The following MYLK3 variants were observed in gnomAD, a reference collection of about 807,000 sequenced individuals.
MYLK3 encodes the protein myosin light chain kinase 3, also known as MLC kinase.
In MYLK3, 55 loss-of-function variants were observed where a neutral mutation model predicts 76.3. The observed-to-expected ratio is 0.72, with a 90% CI of 0.58 to 0.90. MYLK3 has a LOEUF of 0.90. MYLK3 is among the 40% of genes least tolerant of loss of function. The probability of loss-of-function intolerance (pLI) is 0.00; values close to 1 mark genes in which losing one functional copy is unlikely to be tolerated. For synonymous variants in MYLK3, 416 were observed against 425.4 expected (o/e 0.98, Z 0.27); for missense variants, 973 against 1,053.6 (o/e 0.92, Z 1.06).
chr16:46,714,295 C>A (rs973518470), intron 9 of MYLK3, among the ~76,000 whole-genome samples: 1 of 152,126 alleles, frequency 6.6e-6, no homozygotes, highest in Non-Finnish European at 1.5e-5. Flanking sequence ...TTGAGAATAA[C>A]AATAATAAAA....
intron 4 of MYLK3, 129 bp downstream of exon 4, chr16:46,732,079 C>T (rs1243023792): frequency 7.6e-6 from 6 of 784,800 alleles, no homozygotes; most frequent in Admixed American, 3.0e-5. Context: ...TGGAGATGTT[C>T]CCGACTCTTG....
rs1966581481 is a variant in MYLK3 at position 46,702,291 on chromosome 16, C to T, written c.*5413G>A. On this transcript the variant is annotated 3_prime_UTR_variant, in exon 13 of 13. Transcript: ENST00000394809. ...CTTCTTGGAAGCTCACTTCTTTAAC[C>T]GTTCTTCATGGTTTATTTAACTGAT... is the stretch of plus-strand genomic sequence containing the variant. Among the ~76,000 whole-genome samples the T allele has an allele frequency of 1.3e-5, 2 of 151,910 alleles. No homozygotes were observed. The highest frequency in any genetic ancestry group is 2.9e-5 in the Non-Finnish European group (2 of 67,990).
Position 46,721,108 on chromosome 16 carries a change from A to G in MYLK3, c.1985+15T>C. On this transcript the variant is annotated intron_variant, in intron 9 of 12. Coordinates refer to ENST00000394809, the MANE Select transcript of MYLK3 (RefSeq NM_182493.3). Reference sequence around the variant, plus strand: ...CAAGGAATTTTGTTAAGGTATCTAAATAAAACCCCCTTACCTTCTGGCCAG... The same window carrying G: ...CAAGGAATTTTGTTAAGGTATCTAAGTAAAACCCCCTTACCTTCTGGCCAG... The G allele has an allele frequency of 6.2e-7, 1 of 1,612,900 alleles. No homozygotes were observed. Among genetic ancestry groups the G allele is most frequent in the Non-Finnish European group, 8.5e-7 (1 of 1,178,872 alleles).
intron 10 of MYLK3, chr16:46,711,471 C>A: frequency 4.8e-6 from 1 of 207,882 alleles, no homozygotes; most frequent in Non-Finnish European, 1.0e-5. Context: ...CTGCCCCCCA[C>A]CCCCTTACCC....
intron 10 of MYLK3, chr16:46,711,839 A>G (rs1220009351): frequency 4.9e-6 from 1 of 204,308 alleles, no homozygotes; most frequent in East Asian, 1.6e-4. Context: ...AATAACTCTC[A>G]GGGGGTATTC....
Position 46,707,597 on chromosome 16 carries a change from G to T in MYLK3, c.*107C>A, listed in dbSNP as rs1940019184. ...CATAACCATTTTTACAAAATAAGTG[G>T]AATCAATAATACCAAAAAGCCAAAT... On this transcript the variant is annotated 3_prime_UTR_variant, in exon 13 of 13. Transcript: ENST00000394809. The T allele has an allele frequency of 4.4e-6, 3 of 688,172 alleles. No homozygotes were observed. Among genetic ancestry groups the T allele is most frequent in the African/African-American group, 3.6e-5 (2 of 55,214 alleles). The allele number at this position is 688,172 out of a possible 1,614,324, so 42.6% of individuals were successfully genotyped here. A position where few individuals can be genotyped will look rare whatever the true frequency, so the allele number is the denominator to read the frequency against.
chr16:46,725,878 G>T (rs1043018003), intron 8 of MYLK3: 1 of 152,092 alleles, frequency 6.6e-6, no homozygotes, highest in Non-Finnish European at 1.5e-5. Context: ...ATTTGCTTTT[G>T]GGTTCTTGCT....
chr16:46,720,020 A>C (rs1371330929), intron 9 of MYLK3, among the ~76,000 whole-genome samples: 1 of 152,104 alleles, frequency 6.6e-6, no homozygotes, highest in Non-Finnish European at 1.5e-5. Context: ...TCTACTAAAA[A>C]TACAAAAATT....
chr16:46,706,138 G>T lies in MYLK3; in HGVS notation c.*1566C>A, dbSNP rs1966622591. The T allele has an allele frequency of 6.6e-6, 1 of 151,980 alleles. No homozygotes were observed. Among genetic ancestry groups the T allele is most frequent in the Non-Finnish European group, 1.5e-5 (1 of 68,022 alleles). 9.4% of individuals were successfully genotyped at this position (151,980 alleles called of 1,614,324 possible). ...TACCCCCTTGCAGTAGAAAATCTGA[G>T]TATAACTTTTGTCTCCCCAAAAACT... On this transcript the variant is annotated 3_prime_UTR_variant, in exon 13 of 13. Transcript: ENST00000394809.
chr16:46,725,336 C>T (rs771976127), intron 8 of MYLK3, among the ~76,000 whole-genome samples: 1 of 152,180 alleles, frequency 6.6e-6, no homozygotes, highest in Non-Finnish European at 1.5e-5. Flanking sequence ...GTTGCAAGAA[C>T]AGATATCCTT....
At position 46,754,785 on chromosome 16, in the gene MYLK3, T is replaced by A. The variant is rs1420803324; in HGVS notation, c.-114+8255A>T. On this transcript the variant is annotated intron_variant, in intron 1 of 11. Transcript: ENST00000536476. The stretch of plus-strand genomic sequence containing the variant: ...AACAACTGGATGCTGGAAGAGAGGC[T>A]GGATGTCAAAGTCTAGATAGGAAAG... Among the ~76,000 whole-genome samples, 5 of 152,348 alleles carry A rather than the reference T, an allele frequency of 3.3e-5. No individual in the cohort carries two copies. In the East Asian group the frequency reaches 9.6e-4, roughly 29 times the overall value.
At chr16:46,709,459 A>T (rs995546317) in intron 12 of MYLK3, 80 bp downstream of exon 12, 1 of 1,465,108 alleles carries the variant, frequency 6.8e-7, no homozygotes, top group Non-Finnish European at 9.2e-7. Flanking sequence ...AAAAAAAAGA[A>T]AAGGAAACTT....
chr16:46,716,075 C>G (rs1012938034), intron 9 of MYLK3, among the ~76,000 whole-genome samples: 1 of 152,200 alleles, frequency 6.6e-6, no homozygotes, highest in African/African-American at 2.4e-5. Context: ...TCTCTGCCAG[C>G]CCGGCCCCAC....
chr16:46,715,219 TAAC>T (rs1237737473), intron 9 of MYLK3, among the ~76,000 whole-genome samples: 5 of 152,244 alleles, frequency 3.3e-5, no homozygotes, highest in African/African-American at 1.2e-4. Context: ...TGGCTGTGTT[TAAC>T]AACTGGATTA....
intron 11 of MYLK3, 107 bp from the exon 12 acceptor site, chr16:46,709,778 T>C (rs1966664568): frequency 2.4e-6 from 3 of 1,267,936 alleles, no homozygotes; most frequent in Non-Finnish European, 3.3e-6. Flanking sequence ...AGATTAATCA[T>C]TTAGGCAGAT....
At chr16:46,739,441 A>G (rs890171087) in intron 2 of MYLK3, among the ~76,000 whole-genome samples, 1 of 152,222 alleles carries the variant, frequency 6.6e-6, no homozygotes, top group African/African-American at 2.4e-5. Flanking sequence ...CCTGCACAGA[A>G]AGGTACTACA....
intron 9 of MYLK3, among the ~76,000 whole-genome samples, chr16:46,716,740 A>G (rs1405263407): frequency 6.6e-6 from 1 of 152,202 alleles, no homozygotes; most frequent in East Asian, 1.9e-4. Flanking sequence ...CAACACAGAA[A>G]GGCTAAGAAA....
intron 10 of MYLK3, 105 bp downstream of exon 10, chr16:46,712,543 C>T: frequency 8.9e-7 from 1 of 1,120,230 alleles, no homozygotes. Context: ...CCTGGGGTTA[C>T]CTCCCAAATA....
At chr16:46,710,901 T>C in intron 10 of MYLK3, 112 bp from the exon 11 acceptor site, 1 of 1,303,268 alleles carries the variant, frequency 7.7e-7, no homozygotes, top group East Asian at 2.3e-5. Flanking sequence ...ACCAAGAGGG[T>C]TCAAAATAAA....
Sources: allele counts gnomAD v4.1 joint callset (sites outside exome capture counted in the v4.1 genomes callset), GRCh38; gene constraint gnomAD v4.1.1; transcripts MANE v1.5; gene names NCBI Gene and HGNC (gene_info 2026-07-23, HGNC 2026-07-21).